Variants in DGKB observed in about 807,000 individuals in gnomAD.
The protein encoded by DGKB is 90 kDa diacylglycerol kinase.
DGKB carries 67 observed loss-of-function variants against 114.3 expected under a neutral mutation model. The ratio of observed to expected loss-of-function variants is 0.59; its 90% CI spans 0.48 to 0.72. The LOEUF is 0.72. DGKB is among the 30% of genes least tolerant of loss of function. DGKB has a pLI of 0.00. For synonymous variants in DGKB, 398 were observed against 323.1 expected (o/e 1.23, Z -2.49); for missense variants, 907 against 975.2 (o/e 0.93, Z 0.93).
At chr7:14,825,905 G>A (rs1314994041) in intron 2 of DGKB, among the ~76,000 whole-genome samples, 1 of 152,110 alleles carries the variant, frequency 6.6e-6, no homozygotes, top group Non-Finnish European at 1.5e-5. Flanking sequence ...AGGATTGAAG[G>A]AACACAAACA....
At chr7:14,846,090 T>C (rs1460299856) in intron 1 of DGKB, among the ~76,000 whole-genome samples, 2 of 152,184 alleles carry the variant, frequency 1.3e-5, no homozygotes, top group Non-Finnish European at 2.9e-5. Context: ...CTGGTCAACT[T>C]AGGTCTTCAC....
intron 1 of DGKB, among the ~76,000 whole-genome samples, chr7:14,847,581 G>A (rs966821087): frequency 6.6e-6 from 1 of 152,220 alleles, no homozygotes; most frequent in African/African-American, 2.4e-5. Context: ...GGGATGTAGT[G>A]TTATGCTAAA....
At chr7:14,210,927 T>C (rs1190570740) in intron 23 of DGKB, among the ~76,000 whole-genome samples, 1 of 151,868 alleles carries the variant, frequency 6.6e-6, no homozygotes, top group African/African-American at 2.4e-5. Context: ...TTGCATGCAC[T>C]CCCCCTCTCC....
intron 21 of DGKB, among the ~76,000 whole-genome samples, chr7:14,431,113 T>G (rs1828386613): frequency 6.6e-6 from 1 of 152,088 alleles, no homozygotes; most frequent in Non-Finnish European, 1.5e-5. Flanking sequence ...TCTTCTCCCT[T>G]GTGTTGCCTC....
At chr7:14,474,500 T>C (rs955826312) in intron 21 of DGKB, among the ~76,000 whole-genome samples, 10 of 152,260 alleles carry the variant, frequency 6.6e-5, no homozygotes, top group African/African-American at 2.2e-4. Context: ...TTTTGCAAGT[T>C]ACTTGGAAGT....
chr7:14,574,395 T>G lies in DGKB; in HGVS notation c.1610-23A>C, dbSNP rs17168275. ...AACCTAGTGGGAAAAAAAAATACCT[T>G]GAGAAAAGAACTCTAACCAAATAAA... On this transcript the variant is annotated intron_variant, in intron 19 of 25. Coordinates refer to ENST00000402815, the MANE Select transcript of DGKB (RefSeq NM_001350709.2). 4.6e-3 allele frequency: 7,352 copies of G among 1,594,662 alleles called. 303 individuals carry two copies. The African/African-American group carries it at 0.087, about 19-fold the overall frequency.
At chr7:14,542,933 G>A (rs572938620) in intron 20 of DGKB, among the ~76,000 whole-genome samples, 26 of 152,280 alleles carry the variant, frequency 1.7e-4, no homozygotes, top group African/African-American at 5.8e-4. Flanking sequence ...TTTGAAAAAC[G>A]GAGATGGGTT....
chr7:14,388,557 T>C (rs1188442258), intron 21 of DGKB, among the ~76,000 whole-genome samples: 1 of 151,486 alleles, frequency 6.6e-6, no homozygotes, highest in Non-Finnish European at 1.5e-5. Context: ...AAATTTTATG[T>C]ATTGTCGAAA....
intron 13 of DGKB, among the ~76,000 whole-genome samples, chr7:14,652,275 C>T (rs1271416266): frequency 6.6e-6 from 1 of 152,180 alleles, no homozygotes; most frequent in Non-Finnish European, 1.5e-5. Context: ...GTAACCCAAA[C>T]AGCACGGTAC....
intron 7 of DGKB, among the ~76,000 whole-genome samples, chr7:14,699,627 G>T (rs1824743240): frequency 6.6e-6 from 1 of 151,910 alleles, no homozygotes; most frequent in South Asian, 2.1e-4. Context: ...TTTCTGTTTT[G>T]CCTCCAGTAG....
chr7:14,602,961 T>C (rs764072542), intron 17 of DGKB, among the ~76,000 whole-genome samples: 11 of 152,156 alleles, frequency 7.2e-5, no homozygotes, highest in South Asian at 2.1e-4. Flanking sequence ...GTTGGTGAGA[T>C]AGATAATAAA....
intron 21 of DGKB, among the ~76,000 whole-genome samples, chr7:14,474,769 T>G (rs561763142): frequency 6.6e-6 from 1 of 152,128 alleles, no homozygotes; most frequent in South Asian, 2.1e-4. Context: ...TATATAAATA[T>G]TTTAAATACC....
intron 21 of DGKB, among the ~76,000 whole-genome samples, chr7:14,417,652 G>T (rs1274331569): frequency 2.0e-5 from 3 of 151,372 alleles, no homozygotes; most frequent in Non-Finnish European, 4.4e-5. Context: ...TTTTTGCATG[G>T]ACATGTGAAA....
intron 23 of DGKB, among the ~76,000 whole-genome samples, chr7:14,261,536 T>C (rs548696473): frequency 9.1e-4 from 138 of 152,302 alleles, no homozygotes; most frequent in Non-Finnish European, 1.8e-3. Flanking sequence ...TTTTTGCCTT[T>C]CCAGTGATTG....
At chr7:14,740,253 T>C (rs1459426210) in intron 4 of DGKB, among the ~76,000 whole-genome samples, 1 of 139,486 alleles carries the variant, frequency 7.2e-6, no homozygotes, top group East Asian at 2.1e-4. Flanking sequence ...TTTTTTTTTT[T>C]CTCCACAAGG....
chr7:14,688,729 C>A (rs1444165384), intron 9 of DGKB, among the ~76,000 whole-genome samples: 1 of 152,162 alleles, frequency 6.6e-6, no homozygotes, highest in Non-Finnish European at 1.5e-5. Flanking sequence ...TAGTTGCCTA[C>A]AAGGCAAAGG....
At chr7:14,960,044 A>T (rs933124088) in intron 1 of DGKB, among the ~76,000 whole-genome samples, 1 of 152,060 alleles carries the variant, frequency 6.6e-6, no homozygotes, top group African/African-American at 2.4e-5. Flanking sequence ...ATCGTCAGTC[A>T]TTTAAGAACA....
intron 1 of DGKB, among the ~76,000 whole-genome samples, chr7:14,963,211 G>A (rs895194525): frequency 2.0e-5 from 3 of 152,040 alleles, no homozygotes; most frequent in Non-Finnish European, 4.4e-5. Flanking sequence ...GTGGCCAAGA[G>A]GGGGGTTACT....
At chr7:14,630,123 T>A in intron 14 of DGKB, 113 bp downstream of exon 14, 1 of 586,314 alleles carries the variant, frequency 1.7e-6, no homozygotes, top group East Asian at 3.4e-5. Flanking sequence ...AAATAAAATA[T>A]AACATGCTGG....
Sources: allele counts gnomAD v4.1 joint callset (sites outside exome capture counted in the v4.1 genomes callset), GRCh38; gene constraint gnomAD v4.1.1; transcripts MANE v1.5; gene names NCBI Gene and HGNC (gene_info 2026-07-23, HGNC 2026-07-21).